AP3B1: variants seen among roughly 807,000 people sequenced by gnomAD.
The protein encoded by AP3B1 is adaptor related protein complex 3 subunit beta 1.
A neutral mutation model predicts 132.5 loss-of-function variants in AP3B1; 61 were observed. The observed-to-expected ratio is 0.46, with a 90% confidence interval of 0.37 to 0.57. The LOEUF is 0.57. Ranked by LOEUF, AP3B1 falls within the 20% of genes least tolerant of loss-of-function variation. The probability of loss-of-function intolerance (pLI) is 0.00; values close to 1 mark genes in which losing one functional copy is unlikely to be tolerated. For synonymous variants in AP3B1, 388 were observed against 438.3 expected (o/e 0.89, Z 1.43); for missense variants, 1,120 against 1,289.4 (o/e 0.87, Z 2.01).
intron 22 of AP3B1, among the ~76,000 whole-genome samples, chr5:78,078,232 T>A (rs1172441712): frequency 6.6e-6 from 1 of 152,194 alleles, no homozygotes; most frequent in Non-Finnish European, 1.5e-5. Flanking sequence ...TCTTCCTTAT[T>A]TTCTATCTTG....
chr5:78,043,448 C>A, intron 22 of AP3B1: 1 of 223,062 alleles, frequency 4.5e-6, no homozygotes, highest in South Asian at 7.0e-5. Flanking sequence ...TCTTCTTTCT[C>A]ACCTTTCTCT....
intron 22 of AP3B1, among the ~76,000 whole-genome samples, chr5:78,064,545 T>A (rs1478328712): frequency 6.6e-6 from 1 of 152,200 alleles, no homozygotes; most frequent in African/African-American, 2.4e-5. Flanking sequence ...AATGAATATG[T>A]CCCATGTCAT....
chr5:78,173,162 G>C (rs1161084286), intron 11 of AP3B1, among the ~76,000 whole-genome samples: 4 of 152,170 alleles, frequency 2.6e-5, no homozygotes, highest in African/African-American at 9.7e-5. Context: ...TTGCTGAGGA[G>C]TGCTTTACTT....
In AP3B1 at chr5:78,283,388, C is replaced by G. The variant is rs116486331; in HGVS notation, c.128+11064G>C. ...AATTAAGTTTCGCCCTTTCCTTATA[C>G]CTTAAACACAATTCAAAAACTTGTA... On this transcript the variant is annotated intron_variant, in intron 1 of 26. Coordinates refer to ENST00000255194, the MANE Select transcript of AP3B1 (RefSeq NM_003664.5). Among the ~76,000 whole-genome samples the G allele has an allele frequency of 1.4e-4, 21 of 152,290 alleles. No homozygotes were observed. In the East Asian group the frequency reaches 1.7e-3, roughly 13 times the overall value.
chr5:78,193,764 A>AT (rs1419109983), intron 7 of AP3B1, among the ~76,000 whole-genome samples: 8 of 104,994 alleles, frequency 7.6e-5, no homozygotes, highest in African/African-American at 2.8e-4. Flanking sequence ...ATATATATAT[A>AT]TATATATTTT....
intron 1 of AP3B1, among the ~76,000 whole-genome samples, chr5:78,289,069 C>A (rs909846501): frequency 9.2e-5 from 14 of 151,812 alleles, no homozygotes; most frequent in African/African-American, 3.4e-4. Flanking sequence ...TGAGGTAGGT[C>A]AAATATAATG....
At chr5:78,151,895 TCCCCTC>T (rs1287826972) in intron 14 of AP3B1, among the ~76,000 whole-genome samples, 2 of 25,598 alleles carry the variant, frequency 7.8e-5, no homozygotes, top group African/African-American at 1.8e-4. Flanking sequence ...CTCTCCCCCT[TCCCCTC>T]CCCCTCCCGT....
chr5:78,293,032 C>A (rs1237025245), intron 1 of AP3B1, among the ~76,000 whole-genome samples: 1 of 152,088 alleles, frequency 6.6e-6, no homozygotes, highest in African/African-American at 2.4e-5. Flanking sequence ...GCACGAGCCA[C>A]CACGCCCGGC....
intron 22 of AP3B1, among the ~76,000 whole-genome samples, chr5:78,050,727 A>G (rs1748545670): frequency 6.6e-6 from 1 of 152,226 alleles, no homozygotes; most frequent in Non-Finnish European, 1.5e-5. Context: ...AACTTATATA[A>G]ACAAGAGTAT....
chr5:78,129,602 G>A (rs957628915), intron 15 of AP3B1, among the ~76,000 whole-genome samples: 2 of 151,908 alleles, frequency 1.3e-5, no homozygotes, highest in Admixed American at 6.6e-5. Context: ...TGGCAAACCC[G>A]CTGAAGGGGT....
intron 14 of AP3B1, among the ~76,000 whole-genome samples, chr5:78,151,767 G>A (rs1753658594): frequency 6.6e-6 from 1 of 151,730 alleles, no homozygotes; most frequent in South Asian, 2.1e-4. Flanking sequence ...ATTTTGTTGA[G>A]GATTTTTACA....
intron 17 of AP3B1, among the ~76,000 whole-genome samples, chr5:78,121,206 A>G (rs1752175759): frequency 6.6e-6 from 1 of 152,280 alleles, no homozygotes; most frequent in East Asian, 1.9e-4. Context: ...GTGTAGAGGG[A>G]AATTTATAGC....
At chr5:78,132,795 G>A (rs993787362) in intron 15 of AP3B1, among the ~76,000 whole-genome samples, 18 of 152,046 alleles carry the variant, frequency 1.2e-4, no homozygotes, top group African/African-American at 4.3e-4. Flanking sequence ...GGTAAATGTC[G>A]ACAAATATTT....
At chr5:78,227,694 AAGAC>A (rs1458670542) in intron 4 of AP3B1, among the ~76,000 whole-genome samples, 162 bp from the exon 5 acceptor site, 19 of 152,208 alleles carry the variant, frequency 1.2e-4, no homozygotes, top group African/African-American at 4.1e-4. Flanking sequence ...ATGGGAAAAA[AAGAC>A]AGACATAAAT....
intron 26 of AP3B1, among the ~76,000 whole-genome samples, chr5:78,010,446 A>C (rs1746570472): frequency 6.6e-6 from 1 of 152,198 alleles, no homozygotes; most frequent in Admixed American, 6.5e-5. Flanking sequence ...ACACAAACTC[A>C]CACATGATTT....
At chr5:78,030,926 C>T (rs1254820855) in intron 24 of AP3B1, among the ~76,000 whole-genome samples, 1 of 152,134 alleles carries the variant, frequency 6.6e-6, no homozygotes, top group African/African-American at 2.4e-5. Context: ...ACAATTCTCC[C>T]GCTTTGGCCT....
At chr5:78,270,606 G>A (rs1281616596) in intron 1 of AP3B1, among the ~76,000 whole-genome samples, 1 of 152,190 alleles carries the variant, frequency 6.6e-6, no homozygotes, top group Non-Finnish European at 1.5e-5. Context: ...CTATCCAAGT[G>A]GTGCGCTGCA....
chr5:78,198,619 T>C (rs899009775), intron 7 of AP3B1, among the ~76,000 whole-genome samples: 1 of 152,196 alleles, frequency 6.6e-6, no homozygotes, highest in South Asian at 2.1e-4. Flanking sequence ...CCAACTTTTA[T>C]CCATCTCTAA....
intron 22 of AP3B1, among the ~76,000 whole-genome samples, chr5:78,056,249 G>A (rs1748810198): frequency 6.6e-6 from 1 of 152,166 alleles, no homozygotes; most frequent in Non-Finnish European, 1.5e-5. Flanking sequence ...ATATTAAATG[G>A]TGAGACCTTA....
Sources: allele counts gnomAD v4.1 joint callset (sites outside exome capture counted in the v4.1 genomes callset), GRCh38; gene constraint gnomAD v4.1.1; transcripts MANE v1.5; gene names NCBI Gene and HGNC (gene_info 2026-07-23, HGNC 2026-07-21).